The following CRACD variants were observed in gnomAD, a reference collection of about 807,000 sequenced individuals.
CRACD encodes the protein capping protein inhibiting regulator of actin dynamics.
In CRACD, 56 loss-of-function variants were observed where a neutral mutation model predicts 106.8. The ratio of observed to expected loss-of-function variants is 0.52; its 90% CI spans 0.42 to 0.66. The LOEUF is 0.66. CRACD is among the 30% of genes least tolerant of loss of function. CRACD has a pLI of 0.00. For synonymous variants in CRACD, 754 were observed against 670.8 expected (o/e 1.12, Z -1.92); for missense variants, 1,730 against 1,623.2 (o/e 1.07, Z -1.13).
At chr4:56,189,869 G>T (rs1233238774) in intron 2 of CRACD, among the ~76,000 whole-genome samples, 1 of 148,560 alleles carries the variant, frequency 6.7e-6, no homozygotes, top group East Asian at 2.0e-4. Flanking sequence ...TGCACAATGT[G>T]CAGGTTAGTT....
chr4:56,189,187 A>G, intron 2 of CRACD, among the ~76,000 whole-genome samples: 1 of 150,024 alleles, frequency 6.7e-6, no homozygotes, highest in Non-Finnish European at 1.5e-5. Context: ...CTGTCTCAAA[A>G]AAAAAAAAAC....
rs572793392 is a variant in CRACD, at chr4:56,272,110, T to A, written c.-188-211T>A. 5.3e-5 allele frequency among the ~76,000 whole-genome samples: 8 copies of A among 152,330 alleles called. No individual in the cohort carries two copies. The East Asian group carries it at 1.2e-3, about 22-fold the overall frequency. The stretch of plus-strand genomic sequence containing the variant: ...AGCCTGGGGGACAGACGATTCACCA[T>A]GCCTTTGGCTCGTGCTCTGCCTCCC... On this transcript the variant is annotated intron_variant, in intron 2 of 10. Coordinates refer to ENST00000682029, the MANE Select transcript of CRACD (RefSeq NM_001393381.1).
At chr4:56,310,841 A>C in intron 6 of CRACD, 107 bp downstream of exon 6, 2 of 675,356 alleles carry the variant, frequency 3.0e-6, no homozygotes, top group South Asian at 1.7e-5. Flanking sequence ...CCATTCATAA[A>C]TGTTGCCTTC....
intron 3 of CRACD, among the ~76,000 whole-genome samples, chr4:56,295,764 A>G (rs1743984523): frequency 6.7e-6 from 1 of 149,918 alleles, no homozygotes; most frequent in South Asian, 2.1e-4. Flanking sequence ...CCTTCTCTCA[A>G]CTGAGTCATA....
chr4:56,124,081 G>A (rs905715175), intron 1 of CRACD, among the ~76,000 whole-genome samples: 21 of 152,110 alleles, frequency 1.4e-4, no homozygotes, highest in African/African-American at 3.9e-4. Context: ...GGGATTACAG[G>A]TGCCTGCCAC....
chr4:56,280,301 A>G (rs372698353), intron 3 of CRACD, among the ~76,000 whole-genome samples: 6 of 150,696 alleles, frequency 4.0e-5, no homozygotes, highest in African/African-American at 1.5e-4. Context: ...AATAAAAAGA[A>G]AAAAAAAAAG....
intron 2 of CRACD, among the ~76,000 whole-genome samples, chr4:56,234,949 A>G (rs1739875894): frequency 6.6e-6 from 1 of 152,210 alleles, no homozygotes; most frequent in African/African-American, 2.4e-5. Context: ...ACAGGAATTT[A>G]AGCAAGATAC....
chr4:56,315,186 A>G lies in CRACD; in HGVS notation c.1684A>G (p.Lys562Glu). ...KVNLSPVTPAKDTGLTAAPQE... is the reference protein window; with the variant it reads ...KVNLSPVTPAEDTGLTAAPQE... ...CAACCTGAGCCCCGTGACGCCCGCA[A>G]AGGACACGGGGCTCACCGCTGCTCC... is the stretch of plus-strand genomic sequence containing the variant. Residue 562 changes from lysine (K) to glutamate (E), a missense_variant, in exon 8 of 11, where the codon AAG (lysine) becomes GAG (glutamate). Around this residue, in one of 5 missense-constraint regions of CRACD, gnomAD observed 1,620 missense variants for 1,481.6 expected, o/e 1.09. Transcript: ENST00000682029. This position sits in a 1 kb window ranked among gnomAD's most constrained non-coding sequence, Gnocchi z 4.1. The G allele has an allele frequency of 6.3e-7, 1 of 1,596,630 alleles. No individual in the cohort carries two copies. Among genetic ancestry groups the G allele is most frequent in the Non-Finnish European group, 8.5e-7 (1 of 1,172,150 alleles).
intron 2 of CRACD, among the ~76,000 whole-genome samples, chr4:56,213,382 G>A (rs890240744): frequency 4.6e-5 from 7 of 152,090 alleles, no homozygotes; most frequent in African/African-American, 1.7e-4. Context: ...GGAGGCAGAG[G>A]TTTCAGTGAG....
In CRACD at chr4:56,293,627, C is replaced by A. The variant is rs561494117; in HGVS notation, c.-16-4587C>A. ...AGAAGCTTCCAATCATGGCAGAAGGCAAAGAGGGAGTGAGGTGTTTCACAT... is the reference window on the plus strand; with the variant it reads ...AGAAGCTTCCAATCATGGCAGAAGGAAAAGAGGGAGTGAGGTGTTTCACAT... On this transcript the variant is annotated intron_variant, in intron 3 of 10. Coordinates refer to ENST00000682029, the MANE Select transcript of CRACD (RefSeq NM_001393381.1). Among the ~76,000 whole-genome samples the A allele has an allele frequency of 2.0e-5, 3 of 152,254 alleles. No homozygotes were observed. The South Asian group carries it at 6.2e-4, about 32-fold the overall frequency.
chr4:56,192,508 G>C (rs1005994180), intron 2 of CRACD, among the ~76,000 whole-genome samples: 3 of 152,166 alleles, frequency 2.0e-5, no homozygotes, highest in Admixed American at 6.5e-5. Flanking sequence ...ACTAAATAGG[G>C]CGTGATACAA....
chr4:56,129,107 A>G (rs879352557), intron 1 of CRACD, among the ~76,000 whole-genome samples: 18 of 152,082 alleles, frequency 1.2e-4, no homozygotes, highest in Non-Finnish European at 2.2e-4. Context: ...ACAAGGACTC[A>G]CTCTGTCACC....
At chr4:56,158,093 C>T (rs1276136007) in intron 1 of CRACD, among the ~76,000 whole-genome samples, 1 of 152,180 alleles carries the variant, frequency 6.6e-6, no homozygotes, top group Non-Finnish European at 1.5e-5. Context: ...AATACATATG[C>T]ATGGATGCAT....
rs1477454189 is a variant in CRACD at position 56,316,288 on chromosome 4, T to C, written c.2786T>C (p.Val929Ala). 1.2e-6 allele frequency: 2 copies of C among 1,613,984 alleles called. No homozygotes were observed. The highest frequency in any genetic ancestry group is 8.5e-7 in the Non-Finnish European group (1 of 1,179,878). Residue 929 changes from valine to alanine, a missense_variant, in exon 8 of 11, where the codon GTT (valine) becomes GCT (alanine). Coordinates refer to ENST00000682029, the MANE Select transcript of CRACD (RefSeq NM_001393381.1). ...DSAEPSSSRS[V>A]PVAHPGPPPA... Reference sequence around the variant, plus strand: ...GCTGAACCTTCCAGCAGCCGCTCTGTTCCTGTGGCCCACCCTGGGCCTCCA... The same window carrying C: ...GCTGAACCTTCCAGCAGCCGCTCTGCTCCTGTGGCCCACCCTGGGCCTCCA...
intron 1 of CRACD, among the ~76,000 whole-genome samples, chr4:56,059,736 T>G (rs1732205839): frequency 6.6e-6 from 1 of 152,168 alleles, no homozygotes; most frequent in Non-Finnish European, 1.5e-5. Context: ...CAGGCTGGAG[T>G]GCAGTGGCAT....
intron 2 of CRACD, among the ~76,000 whole-genome samples, chr4:56,262,189 G>A (rs1741747402): frequency 6.6e-6 from 1 of 152,174 alleles, no homozygotes; most frequent in African/African-American, 2.4e-5. Flanking sequence ...GTTGCAGCTT[G>A]TGCAATATTG....
At chr4:56,073,463 A>G (rs1732732600) in intron 1 of CRACD, among the ~76,000 whole-genome samples, 1 of 152,230 alleles carries the variant, frequency 6.6e-6, no homozygotes, top group African/African-American at 2.4e-5. Flanking sequence ...TTATTGGTTA[A>G]TAGCTATTTT....
rs558636959 is a variant in CRACD at position 56,057,994 on chromosome 4, AT to A, written c.-336+8702del. ...CTACCACGCCCAGCTAATTTTTTGT[AT>A]TTTTTTAGTAGAGACGGGGTTTCAT... On this transcript the variant is annotated intron_variant, in intron 1 of 10. Transcript: ENST00000682029. Among the ~76,000 whole-genome samples, 2 of 63,030 alleles carry A rather than the reference AT, an allele frequency of 3.2e-5. 1 individual carries two copies. Among genetic ancestry groups the A allele is most frequent in the African/African-American group, 2.8e-4 (2 of 7,106 alleles). The allele number at this position is 63,030 out of a possible 152,430, so 41.4% of individuals were successfully genotyped here.
chr4:56,185,123 A>AT (rs1216359430), intron 2 of CRACD, among the ~76,000 whole-genome samples: 4 of 151,918 alleles, frequency 2.6e-5, no homozygotes, highest in African/African-American at 9.7e-5. Flanking sequence ...CGCCCGGCTA[A>AT]TTTTTTTATA....
Sources: allele counts gnomAD v4.1 joint callset (sites outside exome capture counted in the v4.1 genomes callset), GRCh38; gene constraint gnomAD v4.1.1; regional missense constraint gnomAD v4.1.1; non-coding constraint Gnocchi (gnomAD v3.1); transcripts MANE v1.5; gene names NCBI Gene and HGNC (gene_info 2026-07-23, HGNC 2026-07-21).